The following BTBD9 variants were observed in gnomAD, a reference collection of about 807,000 sequenced individuals.
BTBD9 encodes BTB domain containing 9.
In BTBD9, 49 loss-of-function variants were observed where a neutral mutation model predicts 64.3. That is an observed-to-expected ratio of 0.76 (90% confidence interval 0.61 to 0.97). The LOEUF (loss-of-function observed/expected upper bound fraction) is 0.97. Ranked by LOEUF, BTBD9 falls within the 50% of genes least tolerant of loss-of-function variation. The pLI, the probability that BTBD9 is intolerant of heterozygous loss-of-function variation, is 0.00. For synonymous variants in BTBD9, 260 were observed against 274.7 expected (o/e 0.95, Z 0.53); for missense variants, 598 against 762.1 (o/e 0.78, Z 2.53).
intron 8 of BTBD9, among the ~76,000 whole-genome samples, chr6:38,270,394 A>G (rs1303740221): frequency 6.6e-6 from 1 of 151,950 alleles, no homozygotes; most frequent in Non-Finnish European, 1.5e-5. Flanking sequence ...GTAGAGACAA[A>G]AAAGATCAGG....
intron 6 of BTBD9, among the ~76,000 whole-genome samples, chr6:38,388,399 G>A (rs1186808649): frequency 6.6e-6 from 1 of 152,024 alleles, no homozygotes; most frequent in African/African-American, 2.4e-5. Flanking sequence ...AAGAAAGTTT[G>A]GTATAACTTA....
intron 6 of BTBD9, among the ~76,000 whole-genome samples, chr6:38,510,939 A>G (rs1582552490): frequency 1.3e-5 from 2 of 152,148 alleles, no homozygotes; most frequent in South Asian, 2.1e-4. Context: ...ATTTTTTTTC[A>G]TAAGTAGAAG....
chr6:38,222,258 T>TTTTTG, intron 9 of BTBD9, among the ~76,000 whole-genome samples: 1 of 104,948 alleles, frequency 9.5e-6, no homozygotes. Flanking sequence ...CATTCAGTTG[T>TTTTTG]TTTTTTTTTT....
intron 9 of BTBD9, among the ~76,000 whole-genome samples, chr6:38,234,827 A>G (rs1267182112): frequency 6.6e-6 from 1 of 152,260 alleles, no homozygotes; most frequent in Non-Finnish European, 1.5e-5. Context: ...TCACTCATGT[A>G]CAGATAATGC....
chr6:38,511,708 G>A (rs1442286062), intron 6 of BTBD9, among the ~76,000 whole-genome samples: 3 of 152,032 alleles, frequency 2.0e-5, no homozygotes, highest in Non-Finnish European at 4.4e-5. Flanking sequence ...TTCATTAGGC[G>A]CAATTCAAAG....
chr6:38,260,344 C>T (rs1036973281), intron 8 of BTBD9, among the ~76,000 whole-genome samples: 2 of 152,090 alleles, frequency 1.3e-5, no homozygotes, highest in Non-Finnish European at 2.9e-5. Context: ...TTATTTTCCC[C>T]AGTGGGATTT....
chr6:38,409,105 C>G (rs979755603), intron 6 of BTBD9, among the ~76,000 whole-genome samples: 2 of 152,124 alleles, frequency 1.3e-5, no homozygotes, highest in Non-Finnish European at 2.9e-5. Context: ...CAAAAACTAG[C>G]CAGGCATGAT....
At chr6:38,300,923 C>A (rs769190368) in intron 7 of BTBD9, among the ~76,000 whole-genome samples, 6 of 152,046 alleles carry the variant, frequency 3.9e-5, no homozygotes, top group Admixed American at 3.3e-4. Context: ...AGAGAGGGCA[C>A]CCCTGTCTTG....
intron 6 of BTBD9, among the ~76,000 whole-genome samples, chr6:38,528,940 G>A (rs1325441391): frequency 2.0e-5 from 3 of 152,130 alleles, no homozygotes; most frequent in Non-Finnish European, 2.9e-5. Flanking sequence ...TGCAGCTTGG[G>A]TGCCAGGTTG....
At chr6:38,556,064 A>G (rs1774998522) in intron 6 of BTBD9, among the ~76,000 whole-genome samples, 1 of 152,210 alleles carries the variant, frequency 6.6e-6, no homozygotes, top group African/African-American at 2.4e-5. Context: ...GCAACCTTCA[A>G]AACTGCAAGG....
intron 8 of BTBD9, among the ~76,000 whole-genome samples, chr6:38,267,832 C>T (rs1431082271): frequency 2.0e-5 from 3 of 152,138 alleles, no homozygotes; most frequent in African/African-American, 7.2e-5. Context: ...CCCAGCTACT[C>T]GGGAGGCTGA....
chr6:38,378,014 C>G (rs1765763093), intron 6 of BTBD9, among the ~76,000 whole-genome samples: 1 of 152,116 alleles, frequency 6.6e-6, no homozygotes, highest in South Asian at 2.1e-4. Context: ...TCTGCGTTGT[C>G]TAAATTTTCC....
chr6:38,545,505 C>T (rs1482474377), intron 6 of BTBD9, among the ~76,000 whole-genome samples: 5 of 151,956 alleles, frequency 3.3e-5, no homozygotes, highest in African/African-American at 7.2e-5. Context: ...TTAGGCTGGG[C>T]GCAATGGCTC....
chr6:38,360,506 T>C (rs1040609417), intron 6 of BTBD9, among the ~76,000 whole-genome samples: 3 of 152,158 alleles, frequency 2.0e-5, no homozygotes, highest in Non-Finnish European at 2.9e-5. Context: ...CATTCTGTTA[T>C]ATAAATTCCA....
chr6:38,477,492 G>GA (rs900551958), intron 6 of BTBD9, among the ~76,000 whole-genome samples: 2 of 152,124 alleles, frequency 1.3e-5, no homozygotes, highest in Admixed American at 6.5e-5. Flanking sequence ...ACCTAAAAAA[G>GA]CTTGTTTAGC....
intron 6 of BTBD9, among the ~76,000 whole-genome samples, chr6:38,563,122 C>T (rs1224933677): frequency 6.6e-6 from 1 of 152,190 alleles, no homozygotes; most frequent in Admixed American, 6.5e-5. Context: ...TTCTCTTCTA[C>T]CTGAGCAAAT....
intron 6 of BTBD9, among the ~76,000 whole-genome samples, chr6:38,408,608 G>A (rs1348248184): frequency 6.6e-6 from 1 of 152,028 alleles, no homozygotes; most frequent in Non-Finnish European, 1.5e-5. Flanking sequence ...TTTGCATGTT[G>A]GCTTAACAAG....
At chr6:38,362,351 T>C (rs1469746717) in intron 6 of BTBD9, among the ~76,000 whole-genome samples, 2 of 152,206 alleles carry the variant, frequency 1.3e-5, no homozygotes, top group Non-Finnish European at 2.9e-5. Context: ...AGACCATTCC[T>C]TGTTCATTTT....
At chr6:38,276,412 T>C (rs945772515) in intron 8 of BTBD9, among the ~76,000 whole-genome samples, 16 of 151,920 alleles carry the variant, frequency 1.1e-4, no homozygotes, top group African/African-American at 3.4e-4. Context: ...GACGAGTTAA[T>C]GGGTGCAGTA....
Sources: allele counts gnomAD v4.1 joint callset (sites outside exome capture counted in the v4.1 genomes callset), GRCh38; gene constraint gnomAD v4.1.1; transcripts MANE v1.5; gene names NCBI Gene and HGNC (gene_info 2026-07-23, HGNC 2026-07-21).